The following SLC35D1 variants were observed in gnomAD, a reference collection of about 807,000 sequenced individuals.
SLC35D1 encodes the protein nucleotide sugar transporter SLC35D1.
Under a neutral mutation model 46.7 loss-of-function variants are expected in SLC35D1, and 31 were observed. The observed-to-expected ratio is 0.66, with a 90% CI of 0.50 to 0.90. The LOEUF (loss-of-function observed/expected upper bound fraction) is 0.90, where lower values mean the gene tolerates loss of function less well. SLC35D1 is among the 40% of genes least tolerant of loss of function. The pLI is 0.00. For synonymous variants in SLC35D1, 195 were observed against 164.6 expected (o/e 1.18, Z -1.41); for missense variants, 397 against 426.2 (o/e 0.93, Z 0.60).
intron 8 of SLC35D1, among the ~76,000 whole-genome samples, chr1:67,031,064 C>T (rs1434905818): frequency 2.0e-5 from 3 of 152,288 alleles, no homozygotes; most frequent in South Asian, 4.1e-4. Context: ...CAGAAAAATG[C>T]CCCAAATATA....
At chr1:66,994,351 T>C (rs1198273888), downstream of SLC35D1, among the ~76,000 whole-genome samples, 2 of 152,066 alleles carry the variant, frequency 1.3e-5, no homozygotes, top group South Asian at 2.1e-4. Context: ...CAATAAGATA[T>C]TAAGAAATCC....
chr1:67,029,211 CCTTA>C (rs1466123798), intron 8 of SLC35D1, among the ~76,000 whole-genome samples: 1 of 151,936 alleles, frequency 6.6e-6, no homozygotes, highest in Non-Finnish European at 1.5e-5. Flanking sequence ...TTATCAGGTT[CCTTA>C]CTAAGTATGT....
chr1:66,985,583 ATT>A, the SLC35D1 span: 4 of 985,318 alleles, frequency 4.1e-6, no homozygotes, highest in Non-Finnish European at 4.8e-6. Context: ...CCTTTGAAAG[ATT>A]TTTACAGTAC....
chr1:67,024,274 T>C (rs1336431207), intron 8 of SLC35D1, among the ~76,000 whole-genome samples: 1 of 152,146 alleles, frequency 6.6e-6, no homozygotes, highest in Non-Finnish European at 1.5e-5. Flanking sequence ...ATAGTGTCTT[T>C]TGAAGAGCAA....
Position 67,001,074 on chromosome 1 carries a change from T to C in SLC35D1, c.*3266A>G, listed in dbSNP as rs1005639254. Reference sequence around the variant, plus strand: ...CTCCTTGAAAGCAAGAACCATGTCTTGTTTATCTTTTTTCCAGAGCTTAGC... The same window carrying C: ...CTCCTTGAAAGCAAGAACCATGTCTCGTTTATCTTTTTTCCAGAGCTTAGC... On this transcript the variant is annotated 3_prime_UTR_variant, in exon 12 of 12. Transcript: ENST00000235345. 6.6e-6 allele frequency: 1 copy of C among 152,248 alleles called. No individual in the cohort carries two copies. The highest frequency in any genetic ancestry group is 2.4e-5 in the African/African-American group (1 of 41,412). 9.4% of individuals were successfully genotyped at this position (152,248 alleles called of 1,614,324 possible). A position where few individuals can be genotyped will look rare whatever the true frequency, so the allele number is the denominator to read the frequency against.
chr1:67,028,829 T>TA (rs1667964864), intron 8 of SLC35D1, among the ~76,000 whole-genome samples: 2 of 152,202 alleles, frequency 1.3e-5, no homozygotes, highest in South Asian at 4.1e-4. Flanking sequence ...TCTTTTCTCC[T>TA]AATCTGCTGT....
the SLC35D1 span, chr1:66,984,715 A>G: frequency 9.3e-6 from 15 of 1,614,044 alleles, no homozygotes; most frequent in East Asian, 2.2e-5. Context: ...AGATAACCTT[A>G]CCACTGACCC....
chr1:67,046,979 G>C (rs1486588939), intron 7 of SLC35D1, among the ~76,000 whole-genome samples: 1 of 152,138 alleles, frequency 6.6e-6, no homozygotes, highest in Non-Finnish European at 1.5e-5. Flanking sequence ...CTAGAATACA[G>C]CCATGAACAT....
chr1:67,048,274 G>C (rs903337587), intron 6 of SLC35D1, among the ~76,000 whole-genome samples: 1 of 152,200 alleles, frequency 6.6e-6, no homozygotes, highest in African/African-American at 2.4e-5. Flanking sequence ...AACCAGATAA[G>C]GCTGGTCCAG....
chr1:67,031,514 C>G (rs1668017042), intron 8 of SLC35D1, among the ~76,000 whole-genome samples: 1 of 152,150 alleles, frequency 6.6e-6, no homozygotes, highest in East Asian at 1.9e-4. Flanking sequence ...ACCTGTTCAG[C>G]TCCATAACCT....
chr1:66,989,612 C>T, the SLC35D1 span, among the ~76,000 whole-genome samples: 1 of 152,286 alleles, frequency 6.6e-6, no homozygotes, highest in Admixed American at 6.5e-5. Context: ...TACAGTTGTG[C>T]ACCACCATGC....
chr1:67,022,868 C>T (rs1183171985), intron 8 of SLC35D1, among the ~76,000 whole-genome samples: 1 of 152,214 alleles, frequency 6.6e-6, no homozygotes, highest in Non-Finnish European at 1.5e-5. Context: ...CTGGCAACCT[C>T]TGATCTACTT....
In SLC35D1 at chr1:67,053,655, G is replaced by T. The variant is rs1020922728; in HGVS notation, c.203+156C>A. On this transcript the variant is annotated intron_variant, in intron 1 of 11. Coordinates refer to ENST00000235345, the MANE Select transcript of SLC35D1 (RefSeq NM_015139.3). The stretch of plus-strand genomic sequence containing the variant: ...GCCCGCTCGCCAGGCCGGCTCCGCT[G>T]CCCGGGCCGCGCGCGTCAGCCGCCC... 4.0e-4 allele frequency among the ~76,000 whole-genome samples: 60 copies of T among 151,856 alleles called. 1 individual carries two copies. The highest frequency in any genetic ancestry group is 1.6e-4 in the Non-Finnish European group (11 of 67,940).
At chr1:66,978,196 CAA>C in the SLC35D1 span, among the ~76,000 whole-genome samples, 37 of 91,256 alleles carry the variant, frequency 4.1e-4, no homozygotes, top group Admixed American at 7.7e-4. Context: ...ACTCCATCTC[CAA>C]AAAAAAAAAA....
intron 8 of SLC35D1, among the ~76,000 whole-genome samples, chr1:67,028,277 A>AC (rs1667953133): frequency 6.6e-6 from 1 of 152,132 alleles, no homozygotes; most frequent in Non-Finnish European, 1.5e-5. Context: ...CTTGGTATAT[A>AC]CCCAATGTGC....
At chr1:66,981,916 A>G in the SLC35D1 span, 1 of 1,613,460 alleles carries the variant, frequency 6.2e-7, no homozygotes, top group South Asian at 1.1e-5. Flanking sequence ...GCTAATCAAA[A>G]TGGTAAGCAA....
downstream of SLC35D1, among the ~76,000 whole-genome samples, chr1:66,996,884 CATGTGT>C (rs1667244619): frequency 6.6e-6 from 1 of 152,174 alleles, no homozygotes; most frequent in African/African-American, 2.4e-5. Context: ...GATTAAAACA[CATGTGT>C]TAAGGACAAT....
At chr1:67,043,003 G>T (rs924735115) in intron 7 of SLC35D1, among the ~76,000 whole-genome samples, 2 of 152,070 alleles carry the variant, frequency 1.3e-5, no homozygotes, top group Non-Finnish European at 2.9e-5. Flanking sequence ...TTCAAGACCA[G>T]CCTGGCCAAC....
At chr1:67,044,110 C>T (rs1323072834) in intron 7 of SLC35D1, among the ~76,000 whole-genome samples, 2 of 152,080 alleles carry the variant, frequency 1.3e-5, no homozygotes, top group Admixed American at 6.5e-5. Flanking sequence ...CCAAGACAGG[C>T]GGATCGCCTG....
Sources: gnomAD v4.1 joint callset for allele counts (sites outside exome capture counted in the v4.1 genomes callset) on GRCh38, gnomAD v4.1.1 for gene constraint, MANE v1.5 for transcripts, NCBI Gene and HGNC (gene_info 2026-07-23, HGNC 2026-07-21) for gene names.